NHSL3: variants seen among roughly 807,000 people sequenced by gnomAD.
NHSL3 encodes the protein NHS-like protein 3.
At chr1:32,749,440 C>T in the NHSL3 span, among the ~76,000 whole-genome samples, 3 of 152,100 alleles carry the variant, frequency 2.0e-5, no homozygotes, top group Admixed American at 1.3e-4. Flanking sequence ...TGGGCATCTC[C>T]GGATCCTAGA....
the NHSL3 span, chr1:32,771,503 C>G: frequency 6.3e-7 from 1 of 1,590,608 alleles, no homozygotes; most frequent in Non-Finnish European, 8.6e-7. Flanking sequence ...CCCCCACCCC[C>G]TGCCCCTGAG....
the NHSL3 span, chr1:32,771,853 G>A: frequency 1.2e-5 from 19 of 1,601,710 alleles, no homozygotes; most frequent in Middle Eastern, 1.7e-4. Context: ...GCTGCGCTCC[G>A]TGGGTGCTCC....
chr1:32,747,692 G>A, the NHSL3 span, among the ~76,000 whole-genome samples: 1 of 152,102 alleles, frequency 6.6e-6, no homozygotes, highest in East Asian at 1.9e-4. Flanking sequence ...GCTGGGCGTG[G>A]TGGCTCACAC....
the NHSL3 span, chr1:32,768,584 T>A: frequency 3.8e-6 from 6 of 1,585,526 alleles, no homozygotes; most frequent in African/African-American, 8.1e-5. Context: ...TGGATTTGTC[T>A]CAAAAAAAAG....
At chr1:32,750,328 T>C in the NHSL3 span, among the ~76,000 whole-genome samples, 1 of 152,164 alleles carries the variant, frequency 6.6e-6, no homozygotes, top group Non-Finnish European at 1.5e-5. Flanking sequence ...CCCATCTCTG[T>C]GCTTGGCATG....
At chr1:32,774,037 C>T in the NHSL3 span, 1 of 152,738 alleles carries the variant, frequency 6.5e-6, no homozygotes, top group African/African-American at 2.4e-5. Flanking sequence ...GGGTGGTGGT[C>T]CCCTAGGTAT....
chr1:32,746,050 G>C, the NHSL3 span, among the ~76,000 whole-genome samples: 1 of 151,974 alleles, frequency 6.6e-6, no homozygotes, highest in South Asian at 2.1e-4. Context: ...CTAACATGGT[G>C]AAACCCTGTC....
At chr1:32,757,220 G>C in the NHSL3 span, among the ~76,000 whole-genome samples, 3 of 152,206 alleles carry the variant, frequency 2.0e-5, no homozygotes, top group Non-Finnish European at 2.9e-5. Context: ...AGGAAGGAGA[G>C]AATACAAGGC....
At chr1:32,753,028 G>A in the NHSL3 span, among the ~76,000 whole-genome samples, 3 of 148,998 alleles carry the variant, frequency 2.0e-5, no homozygotes, top group Non-Finnish European at 4.4e-5. Context: ...GAGTGCAGTG[G>A]TGTGATCTTG....
At chr1:32,744,380 A>T in the NHSL3 span, among the ~76,000 whole-genome samples, 1 of 152,192 alleles carries the variant, frequency 6.6e-6, no homozygotes, top group Non-Finnish European at 1.5e-5. Context: ...TCTGACATTT[A>T]TTGATTAGTC....
the NHSL3 span, chr1:32,754,079 C>T: frequency 1.1e-5 from 7 of 659,804 alleles, no homozygotes; most frequent in African/African-American, 1.9e-5. Flanking sequence ...GCGCCGGCTC[C>T]CGCACCCGCA....
the NHSL3 span, chr1:32,769,709 C>G: frequency 1.2e-6 from 2 of 1,613,996 alleles, no homozygotes; most frequent in Non-Finnish European, 1.7e-6. Context: ...TTTCCCAAAT[C>G]TGGAAAGTCA....
chr1:32,760,599 T>G, the NHSL3 span, among the ~76,000 whole-genome samples: 171 of 150,770 alleles, frequency 1.1e-3, no homozygotes, highest in African/African-American at 3.6e-3. Flanking sequence ...TTTTTTTTTT[T>G]TTTTTGTTTG....
At chr1:32,754,069 G>A in the NHSL3 span, 1 of 652,358 alleles carries the variant, frequency 1.5e-6, no homozygotes, top group Non-Finnish European at 2.8e-6. Context: ...TTGGGTTCCC[G>A]CGCCGGCTCC....
the NHSL3 span, among the ~76,000 whole-genome samples, chr1:32,743,756 T>G: frequency 0.98 from 149,283 of 152,300 alleles, 73,232 homozygotes; most frequent in East Asian, 1. Flanking sequence ...TGGGTTTGGG[T>G]TCATTGGGTC....
the NHSL3 span, chr1:32,765,891 T>C: frequency 5.5e-6 from 8 of 1,448,410 alleles, no homozygotes; most frequent in East Asian, 2.5e-5. Context: ...CAGACCCTTA[T>C]GTAGAATGAG....
At chr1:32,759,993 CTTTGT>C in the NHSL3 span, among the ~76,000 whole-genome samples, 1 of 152,232 alleles carries the variant, frequency 6.6e-6, no homozygotes, top group Non-Finnish European at 1.5e-5. Flanking sequence ...GCTCATTTTC[CTTTGT>C]CTTGCCTCTT....
At chr1:32,758,828 C>T in the NHSL3 span, among the ~76,000 whole-genome samples, 1 of 152,204 alleles carries the variant, frequency 6.6e-6, no homozygotes, top group East Asian at 1.9e-4. Flanking sequence ...GAAATGAAAG[C>T]TCCAACCTAG....
the NHSL3 span, among the ~76,000 whole-genome samples, chr1:32,762,268 G>A: frequency 6.6e-6 from 1 of 152,110 alleles, no homozygotes; most frequent in Admixed American, 6.6e-5. Context: ...TGTTGCTTGG[G>A]AGCCTCTGTG....
Sources: allele counts gnomAD v4.1 joint callset (sites outside exome capture counted in the v4.1 genomes callset), GRCh38; gene constraint gnomAD v4.1.1; transcripts MANE v1.5; gene names NCBI Gene and HGNC (gene_info 2026-07-23, HGNC 2026-07-21).